Variants in SLC28A3 observed in about 807,000 individuals in gnomAD.
SLC28A3 encodes concentrative Na(+)-nucleoside cotransporter 3.
In SLC28A3, 68 loss-of-function variants were observed where a neutral mutation model predicts 84.2. The observed-to-expected ratio is 0.81, with a 90% CI of 0.66 to 0.99. SLC28A3 has a LOEUF of 0.99. Ranked by LOEUF, SLC28A3 falls within the 50% of genes least tolerant of loss-of-function variation. SLC28A3 has a pLI of 0.00. For missense variants in SLC28A3, 712 were observed against 841.5 expected (o/e 0.85, Z 1.90); for synonymous variants, 267 against 303.6 (o/e 0.88, Z 1.25).
At chr9:84,330,067 AT>A (rs994863497) in intron 1 of SLC28A3, among the ~76,000 whole-genome samples, 2 of 152,182 alleles carry the variant, frequency 1.3e-5, no homozygotes, top group African/African-American at 4.8e-5. Flanking sequence ...AAAGAAAGAA[AT>A]AATGAAGATT....
chr9:84,280,683 G>A (rs899802938), intron 15 of SLC28A3, 118 bp downstream of exon 15: 5 of 911,302 alleles, frequency 5.5e-6, no homozygotes, highest in African/African-American at 5.0e-5. Context: ...AGACCCCAGA[G>A]GACTCATGAC....
intron 4 of SLC28A3, among the ~76,000 whole-genome samples, chr9:84,302,876 A>G (rs1825679909): frequency 6.6e-6 from 1 of 152,160 alleles, no homozygotes; most frequent in Non-Finnish European, 1.5e-5. Flanking sequence ...AGAGTCTCTA[A>G]GGAAAAGAGG....
chr9:84,328,156 T>TACACACACACACACACACAC lies in SLC28A3; in HGVS notation c.60+12398_60+12417dup, dbSNP rs71498096. 7.6e-5 allele frequency among the ~76,000 whole-genome samples: 10 copies of TACACACACACACACACACAC among 131,966 alleles called. No homozygotes were observed. In the South Asian group the frequency reaches 1.0e-3, roughly 14 times the overall value. The allele number at this position is 131,966 out of a possible 152,430, so 86.6% of individuals were successfully genotyped here. On this transcript the variant is annotated intron_variant, in intron 1 of 17. Coordinates refer to ENST00000376238, the MANE Select transcript of SLC28A3 (RefSeq NM_001199633.2). ...AGGAAGTAATAGAGGGGGAAAAGAC[T>TACACACACACACACACACAC]ACACACACACACACACACACACACA...
intron 3 of SLC28A3, among the ~76,000 whole-genome samples, chr9:84,307,346 G>A (rs998092640): frequency 9.3e-5 from 14 of 150,116 alleles, no homozygotes; most frequent in South Asian, 2.1e-4. Context: ...CAGGAGAATC[G>A]CTTGAATCTA....
chr9:84,334,627 AAT>A (rs1491520404), intron 1 of SLC28A3, among the ~76,000 whole-genome samples: 44 of 109,542 alleles, frequency 4.0e-4, no homozygotes, highest in African/African-American at 1.1e-3. Flanking sequence ...TTTCACAACG[AAT>A]TTTTTTTTTT....
In SLC28A3 at chr9:84,290,261, C is replaced by G. The variant is rs765404025; in HGVS notation, c.1042G>C (p.Val348Leu). The G allele has an allele frequency of 6.2e-7, 1 of 1,613,926 alleles. No individual in the cohort carries two copies. Among genetic ancestry groups the G allele is most frequent in the South Asian group, 1.1e-5 (1 of 91,080 alleles). The change falls in exon 11 of 18, where the codon GTC becomes CTC. Residue 348 changes from valine (V) to leucine (L), a missense_variant. Transcript: ENST00000376238. ...FVGQTESPLL[V>L]RPYLPYITKS... is the part of the protein sequence containing the mutation. ...GTGATGTAAGGTAAATATGGTCGGA[C>G]CAGCAGTGGAGACTCCGTCTGGAGA... is the stretch of plus-strand genomic sequence containing the variant.
intron 12 of SLC28A3, among the ~76,000 whole-genome samples, chr9:84,287,103 C>T (rs1426748106): frequency 2.6e-5 from 4 of 152,056 alleles, no homozygotes; most frequent in African/African-American, 9.7e-5. Flanking sequence ...ACTCAAGGGG[C>T]TGAGGTGGGA....
intron 1 of SLC28A3, among the ~76,000 whole-genome samples, chr9:84,336,744 G>A (rs2118618396): frequency 6.6e-6 from 1 of 152,298 alleles, no homozygotes; most frequent in Middle Eastern, 3.4e-3. Context: ...AGCACACGCA[G>A]AGGCCACCTG....
chr9:84,286,974 C>A (rs1302853695), intron 12 of SLC28A3, among the ~76,000 whole-genome samples: 1 of 152,076 alleles, frequency 6.6e-6, no homozygotes, highest in Admixed American at 6.6e-5. Flanking sequence ...GAAGCCGAGG[C>A]AGGTAGATTG....
chr9:84,278,399 G>T, intron 17 of SLC28A3, 55 bp from the exon 18 acceptor site: 2 of 1,605,974 alleles, frequency 1.2e-6, no homozygotes, highest in Non-Finnish European at 1.7e-6. Flanking sequence ...AGAAACAGTA[G>T]GTGAGCAGAC....
At chr9:84,310,631 G>C in intron 2 of SLC28A3, 1 of 976,532 alleles carries the variant, frequency 1.0e-6, no homozygotes, top group African/African-American at 1.7e-5. Flanking sequence ...GTGTGTCTGA[G>C]ATGAAAGAAT....
At chr9:84,368,591 C>G in the SLC28A3 span, among the ~76,000 whole-genome samples, 1 of 152,022 alleles carries the variant, frequency 6.6e-6, no homozygotes, top group Non-Finnish European at 1.5e-5. Flanking sequence ...CATCTGGGAG[C>G]TGGGGCCTGG....
At chr9:84,301,106 T>G (rs773375155) in intron 5 of SLC28A3, among the ~76,000 whole-genome samples, 6 of 151,776 alleles carry the variant, frequency 4.0e-5, no homozygotes, top group Non-Finnish European at 7.4e-5. Flanking sequence ...TCCCAGCACT[T>G]TGGGAGGCTG....
intron 1 of SLC28A3, among the ~76,000 whole-genome samples, chr9:84,321,491 TG>T (rs1826373350): frequency 6.6e-6 from 1 of 151,982 alleles, no homozygotes; most frequent in African/African-American, 2.4e-5. Flanking sequence ...CCCAGCACTT[TG>T]GGAGGCCGAG....
chr9:84,281,779 G>T (rs1824759246), intron 14 of SLC28A3, among the ~76,000 whole-genome samples: 1 of 152,200 alleles, frequency 6.6e-6, no homozygotes, highest in East Asian at 1.9e-4. Context: ...ATGCTGCTTT[G>T]CAATAAAAAG....
Position 84,280,832 on chromosome 9 carries a change from G to C in SLC28A3, c.1698C>G (p.Ile566Met). 6.2e-7 allele frequency: 1 copy of C among 1,613,988 alleles called. No individual in the cohort carries two copies. The highest frequency in any genetic ancestry group is 8.5e-7 in the Non-Finnish European group (1 of 1,180,008). Reference protein sequence around the residue: ...ATYALCGFANIGSLGIVIGGL... With the variant: ...ATYALCGFANMGSLGIVIGGL... ...CGCCGATCACGATTCCTAGGGACCC[G>C]ATATTGGCAAAACCACAGAGAGCGT... Residue 566 changes from isoleucine to methionine, a missense_variant, in exon 15 of 18, where the codon ATC (isoleucine) becomes ATG (methionine). Physicochemically the swap from Ile to Met is conservative, Grantham distance 10. Coordinates refer to ENST00000376238, the MANE Select transcript of SLC28A3 (RefSeq NM_001199633.2).
chr9:84,298,559 G>A lies in SLC28A3; in HGVS notation c.670-540C>T, dbSNP rs192009671. Among the ~76,000 whole-genome samples, 434 of 152,276 alleles carry A rather than the reference G, an allele frequency of 2.9e-3. 1 individual carries two copies. The highest frequency in any genetic ancestry group is 4.6e-3 in the Non-Finnish European group (312 of 68,024). Reference sequence around the variant, plus strand: ...ACTGAGTTTCAAGTCTTCAGTCCAGGAAAGTATTTAAGTAACCATTATGTC... The same window carrying A: ...ACTGAGTTTCAAGTCTTCAGTCCAGAAAAGTATTTAAGTAACCATTATGTC... On this transcript the variant is annotated intron_variant, in intron 6 of 17. Transcript: ENST00000376238.
chr9:84,319,756 C>T (rs1826299370), intron 1 of SLC28A3, among the ~76,000 whole-genome samples: 1 of 152,092 alleles, frequency 6.6e-6, no homozygotes, highest in Non-Finnish European at 1.5e-5. Flanking sequence ...GCCATAAGAA[C>T]TTCCTATGCA....
chr9:84,292,473 CTG>C lies in SLC28A3; in HGVS notation c.1023+193_1023+194del, dbSNP rs1491200374. On this transcript the variant is annotated intron_variant, in intron 10 of 17. Coordinates refer to ENST00000376238, the MANE Select transcript of SLC28A3 (RefSeq NM_001199633.2). ...TCTCTCTGTCTCTCTGTCTCTCTCT[CTG>C]TCTCTCTCTCTCTCTCTCTCTGTCT... The C allele has an allele frequency of 9.4e-3, 3,293 of 349,360 alleles. 1 individual carries two copies. Among genetic ancestry groups the C allele is most frequent in the South Asian group, 0.022 (599 of 27,144 alleles). 21.6% of individuals were successfully genotyped at this position (349,360 alleles called of 1,614,324 possible).
Sources: gnomAD v4.1 joint callset for allele counts (sites outside exome capture counted in the v4.1 genomes callset) on GRCh38, gnomAD v4.1.1 for gene constraint, MANE v1.5 for transcripts, NCBI Gene and HGNC (gene_info 2026-07-23, HGNC 2026-07-21) for gene names.